The following PRTG variants were observed in gnomAD, a reference collection of about 807,000 sequenced individuals.
The protein encoded by PRTG is protogenin.
PRTG carries 67 observed loss-of-function variants against 122.5 expected under a neutral mutation model. That is an observed-to-expected ratio of 0.55 (90% CI 0.45 to 0.67). The LOEUF is 0.67. Among genes scored for constraint, PRTG ranks in the 30% least tolerant of loss-of-function variants. The pLI is 0.00. For missense variants in PRTG, 1,435 were observed against 1,415.4 expected (o/e 1.01, Z -0.22); for synonymous variants, 554 against 501.1 (o/e 1.11, Z -1.41).
At chr15:55,679,474 T>C (rs1195671248) in intron 6 of PRTG, 29 bp from the exon 7 acceptor site, 2 of 1,559,060 alleles carry the variant, frequency 1.3e-6, no homozygotes, top group East Asian at 2.3e-5. Flanking sequence ...ATGAAATATT[T>C]CTGTGATCCT....
At chr15:55,672,271 G>GT (rs1440056501) in intron 11 of PRTG, among the ~76,000 whole-genome samples, 174 bp downstream of exon 11, 1 of 152,166 alleles carries the variant, frequency 6.6e-6, no homozygotes, top group Non-Finnish European at 1.5e-5. Context: ...ACTCACAATG[G>GT]TAAGTCAAAG....
chr15:55,711,883 G>C (rs1439133781), intron 2 of PRTG, among the ~76,000 whole-genome samples: 1 of 152,224 alleles, frequency 6.6e-6, no homozygotes, highest in Admixed American at 6.5e-5. Context: ...TCTGTTCTCA[G>C]GATATTGCCC....
At chr15:55,674,073 T>C (rs1051523179) in intron 9 of PRTG, among the ~76,000 whole-genome samples, 1 of 152,224 alleles carries the variant, frequency 6.6e-6, no homozygotes, top group African/African-American at 2.4e-5. Context: ...GCAAATAATA[T>C]TTTGAAGTGT....
At chr15:55,679,202 TTGA>T (rs1356878949) in intron 7 of PRTG, 81 bp downstream of exon 7, 3 of 833,222 alleles carry the variant, frequency 3.6e-6, no homozygotes, top group Admixed American at 5.1e-5. Context: ...ATTTAGGTAT[TTGA>T]TATTATTATA....
At chr15:55,656,292 G>A (rs1555431278) in intron 11 of PRTG, 7 of 448,416 alleles carry the variant, frequency 1.6e-5, no homozygotes, top group South Asian at 1.1e-4. Context: ...ATTTCCAGTT[G>A]AGCTGTTTTG....
chr15:55,645,611 C>T (rs917569824), intron 11 of PRTG, among the ~76,000 whole-genome samples: 2 of 151,660 alleles, frequency 1.3e-5, no homozygotes, highest in Admixed American at 6.6e-5. Flanking sequence ...GTTAAATACA[C>T]GTAAATACAC....
intron 15 of PRTG, among the ~76,000 whole-genome samples, chr15:55,631,790 T>C (rs991700132): frequency 2.0e-5 from 3 of 152,214 alleles, no homozygotes; most frequent in Non-Finnish European, 2.9e-5. Flanking sequence ...ACGGAGACAA[T>C]AGTTCCCACC....
At position 55,611,983 on chromosome 15, in the gene PRTG, C is replaced by T. The variant is rs982987207; in HGVS notation, c.*8029G>A. On this transcript the variant is annotated 3_prime_UTR_variant, in exon 20 of 20. Transcript: ENST00000389286. ...AATACAAAATAATTTAACTGGCTCC[C>T]ACACTTTCATTTAATTCACATCTTT... The T allele has an allele frequency of 6.0e-5, 9 of 151,172 alleles. No homozygotes were observed. Among genetic ancestry groups the T allele is most frequent in the African/African-American group, 2.2e-4 (9 of 41,240 alleles). The allele number at this position is 151,172 out of a possible 1,614,324, so 9.4% of individuals were successfully genotyped here.
chr15:55,739,087 C>T (rs2031529908), intron 2 of PRTG, among the ~76,000 whole-genome samples: 1 of 151,996 alleles, frequency 6.6e-6, no homozygotes, highest in Non-Finnish European at 1.5e-5. Context: ...AATATCTTTG[C>T]TTGCAATTTA....
intron 2 of PRTG, among the ~76,000 whole-genome samples, chr15:55,707,412 G>T (rs2030174298): frequency 6.6e-6 from 1 of 152,138 alleles, no homozygotes. Flanking sequence ...TTACTCTTAT[G>T]ACATACTCTA....
chr15:55,705,664 C>G (rs1379428187), intron 2 of PRTG, among the ~76,000 whole-genome samples: 2 of 151,934 alleles, frequency 1.3e-5, no homozygotes, highest in African/African-American at 2.4e-5. Context: ...CCATGTTGCA[C>G]TCCTGACCTC....
intron 2 of PRTG, among the ~76,000 whole-genome samples, chr15:55,723,186 C>A (rs2030895014): frequency 6.6e-6 from 1 of 152,024 alleles, no homozygotes; most frequent in African/African-American, 2.4e-5. Context: ...TGTCTCACCA[C>A]AGACGAGGTT....
intron 2 of PRTG, among the ~76,000 whole-genome samples, chr15:55,729,384 T>G (rs2031151438): frequency 2.0e-5 from 3 of 152,098 alleles, no homozygotes; most frequent in African/African-American, 7.2e-5. Flanking sequence ...GTGACTGCTA[T>G]CGAACACAGC....
chr15:55,671,776 C>T (rs1472933712), intron 11 of PRTG, among the ~76,000 whole-genome samples: 1 of 152,214 alleles, frequency 6.6e-6, no homozygotes, highest in East Asian at 1.9e-4. Context: ...GCTGGGATTA[C>T]AGGCATGAGC....
chr15:55,641,138 C>A lies in PRTG; in HGVS notation c.2112G>T (p.Gln704His). The change falls in exon 12 of 20, where the codon CAG becomes CAT. Residue 704 changes from glutamine (Q) to histidine (H), a missense_variant. Coordinates refer to ENST00000389286, the MANE Select transcript of PRTG (RefSeq NM_173814.6). ...NNIDDGYQADQTVSTPGCVSV... is the reference protein window; with the variant it reads ...NNIDDGYQADHTVSTPGCVSV... ...ACACGCATCCTGGAGTGCTGACAGT[C>A]TGATCTGCCTGATAGCCATCGTCTA... 1 of 1,613,874 alleles carries A rather than the reference C, an allele frequency of 6.2e-7. No individual in the cohort carries two copies. The highest frequency in any genetic ancestry group is 1.1e-5 in the South Asian group (1 of 91,058).
At chr15:55,702,581 CTTTAT>C (rs1398523041) in intron 2 of PRTG, among the ~76,000 whole-genome samples, 1 of 152,114 alleles carries the variant, frequency 6.6e-6, no homozygotes, top group Non-Finnish European at 1.5e-5. Context: ...GTTTAAATTA[CTTTAT>C]AACACTATAC....
intron 11 of PRTG, among the ~76,000 whole-genome samples, chr15:55,651,609 T>C (rs933349690): frequency 6.6e-6 from 1 of 152,220 alleles, no homozygotes; most frequent in Non-Finnish European, 1.5e-5. Flanking sequence ...AACAGGTTTG[T>C]TCCCTGGAAA....
At chr15:55,692,560 T>A (rs187657923) in intron 2 of PRTG, among the ~76,000 whole-genome samples, 156 of 152,214 alleles carry the variant, frequency 1.0e-3, no homozygotes, top group Non-Finnish European at 1.5e-3. Flanking sequence ...TTGATCAGAA[T>A]GAGAAGACAC....
At position 55,740,435 on chromosome 15, in the gene PRTG, G is replaced by A. The variant is rs1184848609; in HGVS notation, c.344C>T (p.Ala115Val). 1.2e-6 allele frequency: 2 copies of A among 1,614,150 alleles called. No homozygotes were observed. Among genetic ancestry groups the A allele is most frequent in the Non-Finnish European group, 1.7e-6 (2 of 1,180,010 alleles). Residue 115 changes from alanine to valine, a missense_variant, in exon 2 of 20, where the codon GCA becomes GTA. Ala to Val is a moderately conservative substitution (Grantham distance 64). Transcript: ENST00000389286. Reference sequence around the variant, plus strand: ...AAGAATGGCTCCATATTTGTTCATTGCCAAGCACTGATAAAATCCTTCATC... The same window carrying A: ...AAGAATGGCTCCATATTTGTTCATTACCAAGCACTGATAAAATCCTTCATC... ...QSDEGFYQCL[A>V]MNKYGAILSQ...
Sources: gnomAD v4.1 joint callset for allele counts (sites outside exome capture counted in the v4.1 genomes callset) on GRCh38, gnomAD v4.1.1 for gene constraint, MANE v1.5 for transcripts, NCBI Gene and HGNC (gene_info 2026-07-23, HGNC 2026-07-21) for gene names.